Variants in UBR3 observed in about 807,000 individuals in gnomAD.
UBR3 encodes the protein E3 ubiquitin-protein ligase UBR3.
Under a neutral mutation model 243.2 loss-of-function variants are expected in UBR3, and 85 were observed. The ratio of observed to expected loss-of-function variants is 0.35; its 90% confidence interval spans 0.29 to 0.42. The LOEUF (loss-of-function observed/expected upper bound fraction) is 0.42, where lower values mean the gene tolerates loss of function less well. Among genes scored for constraint, UBR3 ranks in the 10% least tolerant of loss-of-function variants. The pLI is 1.00. For synonymous variants in UBR3, 748 were observed against 799.8 expected (o/e 0.94, Z 1.09); for missense variants, 1,686 against 2,300.8 (o/e 0.73, Z 5.47).
rs1559160107 is a variant in UBR3 at position 169,986,630 on chromosome 2, AC to A, written c.3635-14del. On this transcript the variant is annotated splice_polypyrimidine_tract_variant and intron_variant, in intron 24 of 38. Coordinates refer to ENST00000272793, the MANE Select transcript of UBR3 (RefSeq NM_172070.4). ...CCTCCTAAGGAATTAAAGAGATGTA[AC>A]TTTTTTCCCTCAGATTCTCCTGAGA... The A allele has an allele frequency of 6.3e-7, 1 of 1,598,908 alleles. No individual in the cohort carries two copies. Among genetic ancestry groups the A allele is most frequent in the Non-Finnish European group, 8.5e-7 (1 of 1,173,618 alleles).
At chr2:169,903,102 ATAAATATTT>A (rs2084892288) in intron 8 of UBR3, among the ~76,000 whole-genome samples, 1 of 152,202 alleles carries the variant, frequency 6.6e-6, no homozygotes, top group African/African-American at 2.4e-5. Flanking sequence ...TAGGTGCTCA[ATAAATATTT>A]GTTGATGAGT....
At chr2:170,056,102 G>C (rs551965324) in intron 33 of UBR3, among the ~76,000 whole-genome samples, 2 of 148,404 alleles carry the variant, frequency 1.3e-5, no homozygotes, top group Non-Finnish European at 3.0e-5. Flanking sequence ...CTGCCTCCTG[G>C]GTTCAAGCAA....
In UBR3 at chr2:169,979,292, T is replaced by C. The variant is rs114049225; in HGVS notation, c.3635-7353T>C. Among the ~76,000 whole-genome samples the C allele has an allele frequency of 7.8e-3, 1,190 of 152,312 alleles. 13 individuals are homozygous for C. The highest frequency in any genetic ancestry group is 0.026 in the African/African-American group (1,073 of 41,576). On this transcript the variant is annotated intron_variant, in intron 24 of 38. Transcript: ENST00000272793. The stretch of plus-strand genomic sequence containing the variant: ...ACAGAGCAGTGGGAACTCTAATTCA[T>C]TGATGGTTGCAATTCAAAATGGTAC...
chr2:169,925,117 G>C (rs2085861411), intron 13 of UBR3, among the ~76,000 whole-genome samples: 1 of 152,198 alleles, frequency 6.6e-6, no homozygotes, highest in Admixed American at 6.5e-5. Context: ...GATGTAGTGA[G>C]AACATTTATT....
intron 31 of UBR3, among the ~76,000 whole-genome samples, chr2:170,033,796 A>T (rs778630987): frequency 6.6e-6 from 1 of 151,548 alleles, no homozygotes; most frequent in African/African-American, 2.4e-5. Context: ...CTATAATCCT[A>T]TGAAAATTAT....
At chr2:169,961,872 ATG>A (rs2087590076) in intron 24 of UBR3, among the ~76,000 whole-genome samples, 3 of 94,294 alleles carry the variant, frequency 3.2e-5, no homozygotes, top group Admixed American at 1.3e-4. Flanking sequence ...ATTTTTTCCC[ATG>A]TTTTTTTTTT....
intron 36 of UBR3, chr2:170,078,175 C>A: frequency 1.8e-6 from 1 of 543,148 alleles, no homozygotes; most frequent in South Asian, 1.6e-5. Flanking sequence ...CAATCATTTT[C>A]TTTGACTTCT....
chr2:169,891,965 G>T (rs2084394218), intron 6 of UBR3, among the ~76,000 whole-genome samples: 1 of 152,162 alleles, frequency 6.6e-6, no homozygotes, highest in East Asian at 1.9e-4. Flanking sequence ...ATATCTTAAC[G>T]TGTGGTTGGT....
intron 1 of UBR3, among the ~76,000 whole-genome samples, chr2:169,850,701 G>A (rs1020956230): frequency 1.4e-4 from 21 of 152,022 alleles, no homozygotes; most frequent in Admixed American, 3.9e-4. Context: ...AAAATTAGCC[G>A]GGCGTGGTGG....
intron 37 of UBR3, 68 bp downstream of exon 37, chr2:170,080,091 C>A: frequency 2.2e-6 from 3 of 1,379,248 alleles, no homozygotes; most frequent in Non-Finnish European, 2.0e-6. Flanking sequence ...ATGGTCAAGC[C>A]ATCTCTTCAT....
chr2:169,881,248 T>C (rs1229259799), intron 5 of UBR3, among the ~76,000 whole-genome samples: 1 of 151,714 alleles, frequency 6.6e-6, no homozygotes, highest in Non-Finnish European at 1.5e-5. Context: ...GGCATGATCT[T>C]GGCTCACTGC....
At chr2:170,051,153 T>C (rs1232808714) in intron 32 of UBR3, among the ~76,000 whole-genome samples, 1 of 152,078 alleles carries the variant, frequency 6.6e-6, no homozygotes, top group East Asian at 1.9e-4. Flanking sequence ...TCCAAATACT[T>C]TTGAGCCATG....
intron 1 of UBR3, among the ~76,000 whole-genome samples, chr2:169,867,160 C>T (rs939479814): frequency 1.3e-5 from 2 of 152,252 alleles, no homozygotes; most frequent in Non-Finnish European, 2.9e-5. Context: ...GTAGAATTAA[C>T]GTCCTAAGTA....
chr2:170,032,833 G>A (rs1219191656), intron 31 of UBR3, among the ~76,000 whole-genome samples: 2 of 151,876 alleles, frequency 1.3e-5, no homozygotes, highest in African/African-American at 4.8e-5. Context: ...TTTCTGCACT[G>A]TAAAGTGATT....
At chr2:170,018,494 T>C (rs1244997883) in intron 30 of UBR3, among the ~76,000 whole-genome samples, 2 of 152,172 alleles carry the variant, frequency 1.3e-5, no homozygotes. Context: ...ATTCAGCACA[T>C]GATACTGGTT....
Position 169,842,791 on chromosome 2 carries a change from C to T in UBR3, c.545+14739C>T, listed in dbSNP as rs59284991. Among the ~76,000 whole-genome samples, 678 of 152,300 alleles carry T rather than the reference C, an allele frequency of 4.5e-3. 1 individual carries two copies. The highest frequency in any genetic ancestry group is 0.015 in the African/African-American group (610 of 41,554). ...CACGCCACCTTAAGAGCTGTAACACCGCGAGGGTCCGCGGCTTCATTCTTG... is the reference window on the plus strand; with the variant it reads ...CACGCCACCTTAAGAGCTGTAACACTGCGAGGGTCCGCGGCTTCATTCTTG... On this transcript the variant is annotated intron_variant, in intron 1 of 38. Coordinates refer to ENST00000272793, the MANE Select transcript of UBR3 (RefSeq NM_172070.4).
chr2:169,908,706 G>A lies in UBR3; in HGVS notation c.1779+2542G>A, dbSNP rs987257257. ...TGAAGATTTGAGTATCAGAGAATGCGTTTATGAAGAGAGAATATGAAGGAC... is the reference window on the plus strand; with the variant it reads ...TGAAGATTTGAGTATCAGAGAATGCATTTATGAAGAGAGAATATGAAGGAC... On this transcript the variant is annotated intron_variant, in intron 10 of 38. Transcript: ENST00000272793. 2.6e-5 allele frequency among the ~76,000 whole-genome samples: 4 copies of A among 151,926 alleles called. No individual in the cohort carries two copies. The South Asian group carries it at 6.2e-4, about 24-fold the overall frequency.
At chr2:169,833,032 A>C (rs775905007) in intron 1 of UBR3, among the ~76,000 whole-genome samples, 2 of 152,212 alleles carry the variant, frequency 1.3e-5, no homozygotes, top group Non-Finnish European at 2.9e-5. Context: ...TGGTATACAT[A>C]GGAGACTGGT....
At chr2:169,861,785 C>T (rs1019440875) in intron 1 of UBR3, among the ~76,000 whole-genome samples, 3 of 152,100 alleles carry the variant, frequency 2.0e-5, no homozygotes, top group South Asian at 2.1e-4. Flanking sequence ...CTCTTCTACA[C>T]AATTATTAAG....
Sources: allele counts gnomAD v4.1 joint callset (sites outside exome capture counted in the v4.1 genomes callset), GRCh38; gene constraint gnomAD v4.1.1; transcripts MANE v1.5; gene names NCBI Gene and HGNC (gene_info 2026-07-23, HGNC 2026-07-21).